Variants in NUDCD1 observed in about 807,000 individuals in gnomAD.
NUDCD1 encodes the protein nudC domain-containing protein 1.
NUDCD1 carries 60 observed loss-of-function variants against 67.8 expected under a neutral mutation model. The ratio of observed to expected loss-of-function variants is 0.88; its 90% CI spans 0.72 to 1.10. The LOEUF is 1.10. Ranked by LOEUF, NUDCD1 falls within the 50% of genes least tolerant of loss-of-function variation. NUDCD1 has a pLI of 0.00. For synonymous variants in NUDCD1, 244 were observed against 230.8 expected (o/e 1.06, Z -0.52); for missense variants, 643 against 695.0 (o/e 0.93, Z 0.84).
intron 8 of NUDCD1, among the ~76,000 whole-genome samples, chr8:109,260,118 T>C (rs1032936255): frequency 6.6e-6 from 1 of 152,098 alleles, no homozygotes; most frequent in Non-Finnish European, 1.5e-5. Context: ...TGAGAAAAAA[T>C]AAGCAATATT....
At chr8:109,306,329 G>A (rs1028127855) in intron 2 of NUDCD1, among the ~76,000 whole-genome samples, 3 of 151,940 alleles carry the variant, frequency 2.0e-5, no homozygotes, top group African/African-American at 7.3e-5. Flanking sequence ...TCTTGTTCCT[G>A]TTCTTATGCC....
chr8:109,329,796 C>T (rs1258317706), intron 1 of NUDCD1: 2 of 1,549,230 alleles, frequency 1.3e-6, no homozygotes, highest in Non-Finnish European at 8.7e-7. Flanking sequence ...AAATTTATGT[C>T]CTACTTACCA....
chr8:109,264,709 A>G (rs901034278), intron 8 of NUDCD1, among the ~76,000 whole-genome samples: 4 of 152,174 alleles, frequency 2.6e-5, no homozygotes, highest in Admixed American at 1.3e-4. Context: ...TTCCAGTTAT[A>G]TATCTATAGG....
In NUDCD1 at chr8:109,293,364, G is replaced by A. The variant is rs140177036; in HGVS notation, c.620C>T (p.Thr207Ile). Residue 207 changes from threonine (T) to isoleucine (I), a missense_variant, in exon 4 of 10, where the codon ACT becomes ATT. Thr to Ile is a moderately conservative substitution (Grantham distance 89). Transcript: ENST00000239690. Reference protein sequence around the residue: ...SGFYVSLEWVTISKKNQDNKK... With the variant: ...SGFYVSLEWVIISKKNQDNKK... Reference sequence around the variant, plus strand: ...TTTACCTTGATTTTTCTTACTGATAGTGACCCACTCCAGAGAAACATAGAA... The same window carrying A: ...TTTACCTTGATTTTTCTTACTGATAATGACCCACTCCAGAGAAACATAGAA... 9 of 1,565,836 alleles carry A rather than the reference G, an allele frequency of 5.7e-6. No individual in the cohort carries two copies. Among genetic ancestry groups the A allele is most frequent in the Non-Finnish European group, 7.8e-6 (9 of 1,158,560 alleles).
At chr8:109,329,857 C>T (rs1187145597) in intron 1 of NUDCD1, 1 of 1,548,920 alleles carries the variant, frequency 6.5e-7, no homozygotes, top group Non-Finnish European at 8.7e-7. Flanking sequence ...GACATGGGAC[C>T]CTTCAATACA....
chr8:109,263,108 C>T (rs1457350488), intron 8 of NUDCD1, among the ~76,000 whole-genome samples: 8 of 138,848 alleles, frequency 5.8e-5, no homozygotes, highest in Middle Eastern at 4.1e-3. Flanking sequence ...TTCTCTAGAA[C>T]GCACCTTCAT....
At chr8:109,282,663 T>A (rs1586276079) in intron 5 of NUDCD1, among the ~76,000 whole-genome samples, 2 of 109,146 alleles carry the variant, frequency 1.8e-5, no homozygotes, top group Non-Finnish European at 3.5e-5. Context: ...GAGGGGAACA[T>A]CACACACCGG....
chr8:109,332,378 A>G (rs16879322), intron 1 of NUDCD1, among the ~76,000 whole-genome samples: 3,684 of 152,198 alleles, frequency 0.024, 136 homozygotes, highest in African/African-American at 0.084. Context: ...AAAGAAATAA[A>G]CCCCAAATGA....
rs1205626405 is a variant in NUDCD1 at position 109,243,080 on chromosome 8, C to G, written c.1681G>C (p.Ala561Pro). Reference protein sequence around the residue: ...ETNDPILGFQATNERLFVLTT... With the variant: ...ETNDPILGFQPTNERLFVLTT... ...AGAACAAATAATCTCTCATTTGTTG[C>G]CTGAAATCCTAAAATAGGATCATTG... is the stretch of plus-strand genomic sequence containing the variant. Residue 561 changes from alanine to proline, a missense_variant, in exon 10 of 10, where the codon GCA becomes CCA. Physicochemically the swap from Ala to Pro is conservative, Grantham distance 27. Coordinates refer to ENST00000239690, the MANE Select transcript of NUDCD1 (RefSeq NM_032869.4). The G allele has an allele frequency of 6.2e-7, 1 of 1,612,426 alleles. No homozygotes were observed. Among genetic ancestry groups the G allele is most frequent in the Admixed American group, 1.7e-5 (1 of 59,968 alleles).
intron 8 of NUDCD1, among the ~76,000 whole-genome samples, chr8:109,266,436 G>A (rs1813999587): frequency 6.8e-6 from 1 of 146,122 alleles, no homozygotes; most frequent in South Asian, 2.2e-4. Flanking sequence ...AGTAGAGATG[G>A]GGTTTCACTG....
intron 6 of NUDCD1, among the ~76,000 whole-genome samples, chr8:109,277,231 A>G (rs1814310796): frequency 1.3e-5 from 2 of 152,212 alleles, no homozygotes; most frequent in Admixed American, 6.5e-5. Context: ...CTCTAAGTCC[A>G]TGTTCTTCAC....
intron 1 of NUDCD1, among the ~76,000 whole-genome samples, chr8:109,326,107 T>C (rs529331773): frequency 6.6e-6 from 1 of 152,212 alleles, no homozygotes; most frequent in Admixed American, 6.5e-5. Context: ...GACAACGATA[T>C]AACAAATACA....
chr8:109,293,669 A>C (rs1482610607), intron 3 of NUDCD1, 145 bp from the exon 4 acceptor site: 12 of 436,892 alleles, frequency 2.7e-5, no homozygotes, highest in Non-Finnish European at 4.4e-5. Flanking sequence ...AAAGGCCTTT[A>C]CATAAAGACT....
chr8:109,274,987 A>C (rs994472764), intron 7 of NUDCD1, among the ~76,000 whole-genome samples: 2 of 152,126 alleles, frequency 1.3e-5, no homozygotes, highest in Non-Finnish European at 2.9e-5. Flanking sequence ...CACCTCAAAA[A>C]TTTTAGGGAT....
chr8:109,297,945 T>C (rs1055135555), intron 2 of NUDCD1, among the ~76,000 whole-genome samples: 3 of 152,176 alleles, frequency 2.0e-5, no homozygotes, highest in African/African-American at 7.2e-5. Context: ...TCCTAGAACT[T>C]AGATCTATAT....
intron 8 of NUDCD1, among the ~76,000 whole-genome samples, chr8:109,269,225 G>A (rs978038977): frequency 2.0e-5 from 3 of 152,192 alleles, no homozygotes; most frequent in Admixed American, 1.3e-4. Context: ...ACTTACTGGT[G>A]TTAAAGTGTG....
rs184789303 is a variant in NUDCD1 at position 109,270,027 on chromosome 8, C to T, written c.1299+978G>A. Among the ~76,000 whole-genome samples the T allele has an allele frequency of 2.5e-5, 3 of 120,184 alleles. No individual in the cohort carries two copies. In the Admixed American group the frequency reaches 3.5e-4, roughly 14 times the overall value. The allele number at this position is 120,184 out of a possible 152,430, so 78.8% of individuals were successfully genotyped here. A position where few individuals can be genotyped will look rare whatever the true frequency, so the allele number is the denominator to read the frequency against. Reference sequence around the variant, plus strand: ...CTTCAGTATCTTAATACAAATCTGTCAAAGCTTGTAAAAAGAGTGTAATTT... The same window carrying T: ...CTTCAGTATCTTAATACAAATCTGTTAAAGCTTGTAAAAAGAGTGTAATTT... On this transcript the variant is annotated intron_variant, in intron 8 of 9. Transcript: ENST00000239690.
intron 3 of NUDCD1, among the ~76,000 whole-genome samples, chr8:109,293,808 C>T (rs1011430377): frequency 9.2e-5 from 14 of 152,000 alleles, no homozygotes; most frequent in Admixed American, 5.3e-4. Flanking sequence ...TATGAGTGTG[C>T]ATGTGTGTAT....
At chr8:109,278,553 TTCAG>T (rs1814351396) in intron 6 of NUDCD1, among the ~76,000 whole-genome samples, 1 of 152,264 alleles carries the variant, frequency 6.6e-6, no homozygotes, top group East Asian at 1.9e-4. Context: ...TTGGCCTTTC[TTCAG>T]TCAATCTCCC....
Sources: gnomAD v4.1 joint callset for allele counts (sites outside exome capture counted in the v4.1 genomes callset) on GRCh38, gnomAD v4.1.1 for gene constraint, MANE v1.5 for transcripts, NCBI Gene and HGNC (gene_info 2026-07-23, HGNC 2026-07-21) for gene names.